The following MKLN1 variants were observed in gnomAD, a reference collection of about 807,000 sequenced individuals.
MKLN1 encodes muskelin.
MKLN1 carries 18 observed loss-of-function variants against 99.0 expected under a neutral mutation model. That is an observed-to-expected ratio of 0.18 (90% CI 0.13 to 0.27). The LOEUF (loss-of-function observed/expected upper bound fraction) is 0.27. MKLN1 is among the 10% of genes least tolerant of loss of function. The pLI is 1.00. For synonymous variants in MKLN1, 288 were observed against 293.2 expected, an observed-to-expected ratio of 0.98 and a Z score of 0.18; for missense variants, 621 against 875.9, an observed-to-expected ratio of 0.71 and a Z score of 3.67.
Position 131,466,404 on chromosome 7 carries a change from A to G in MKLN1, c.1917A>G (p.Ile639Met). The G allele has an allele frequency of 6.3e-7, 1 of 1,581,704 alleles. No individual in the cohort carries two copies. The highest frequency in any genetic ancestry group is 1.2e-5 in the South Asian group (1 of 85,778). The change falls in exon 15 of 18, where the codon ATA becomes ATG. Residue 639 changes from isoleucine to methionine, a missense_variant. Ile to Met is a conservative substitution (Grantham distance 10, BLOSUM62 1). Around this residue, in one of 8 missense-constraint regions of MKLN1, gnomAD observed 126 missense variants for 157.4 expected, o/e 0.80. Transcript: ENST00000352689. ...DYLLRHCKYL[I>M]RKHRFEEKAQ... ...TACTGAGGCATTGCAAGTACCTCAT[A>G]AGAAAACACAGGTATGAAAATAATT... is the stretch of plus-strand genomic sequence containing the variant.
At chr7:131,299,575 C>T (rs1798346511) in intron 3 of MKLN1, among the ~76,000 whole-genome samples, 1 of 152,176 alleles carries the variant, frequency 6.6e-6, no homozygotes, top group South Asian at 2.1e-4. Flanking sequence ...GCCGCCAGCA[C>T]TCATTTAATT....
At chr7:131,477,294 C>G (rs1376092395) in intron 16 of MKLN1, among the ~76,000 whole-genome samples, 1 of 151,972 alleles carries the variant, frequency 6.6e-6, no homozygotes, top group Non-Finnish European at 1.5e-5. Context: ...CACCAGTAAT[C>G]CCAGCATTTT....
Position 131,491,573 on chromosome 7 carries a change from T to A in MKLN1, c.*3845T>A, listed in dbSNP as rs1474158633. ...TGACTTGGCTATCCAAAGCTTCTAG[T>A]CTAGAGGTCTGTTGGTTGAAGGCAG... On this transcript the variant is annotated 3_prime_UTR_variant, in exon 18 of 18. Transcript: ENST00000352689. 2 of 152,194 alleles carry A rather than the reference T, an allele frequency of 1.3e-5. No individual in the cohort carries two copies. The highest frequency in any genetic ancestry group is 2.9e-5 in the Non-Finnish European group (2 of 68,028). 9.4% of individuals were successfully genotyped at this position (152,194 alleles called of 1,614,324 possible). A position where few individuals can be genotyped will look rare whatever the true frequency, so the allele number is the denominator to read the frequency against.
intron 3 of MKLN1, among the ~76,000 whole-genome samples, chr7:131,234,547 C>G (rs973783659): frequency 1.3e-5 from 2 of 152,092 alleles, no homozygotes; most frequent in Admixed American, 1.3e-4. Flanking sequence ...TTCTGGGAAG[C>G]CTGTCTTTTC....
chr7:131,258,326 C>CTCTGTTGCTAGAGGAAGAT (rs1797686641), intron 3 of MKLN1, among the ~76,000 whole-genome samples: 1 of 145,974 alleles, frequency 6.9e-6, no homozygotes, highest in African/African-American at 2.5e-5. Context: ...TCCTGAGATG[C>CTCTGTTGCTAGAGGAAGAT]TCTGTTGCTG....
chr7:131,443,663 C>A lies in MKLN1; in HGVS notation c.1356C>A (p.Asp452Glu). The A allele has an allele frequency of 6.2e-7, 1 of 1,613,942 alleles. No individual in the cohort carries two copies. The highest frequency in any genetic ancestry group is 1.6e-4 in the Middle Eastern group (1 of 6,062). ...REDSCNAGPE[D>E]IQSRIGHCML... Reference sequence around the variant, plus strand: ...ACTCCTGTAATGCTGGGCCTGAGGACATCCAGTCTCGAATAGGACACTGCA... The same window carrying A: ...ACTCCTGTAATGCTGGGCCTGAGGAAATCCAGTCTCGAATAGGACACTGCA... Residue 452 changes from aspartate (D) to glutamate (E), a missense_variant, in exon 11 of 18, where the codon GAC (aspartate) becomes GAA (glutamate). Physicochemically the swap from Asp to Glu is conservative, Grantham distance 45. Transcript: ENST00000352689.
chr7:131,209,426 G>A lies in MKLN1; in HGVS notation c.-179+6452G>A, dbSNP rs142535779. Among the ~76,000 whole-genome samples, 28 of 152,314 alleles carry A rather than the reference G, an allele frequency of 1.8e-4. No individual in the cohort carries two copies. The East Asian group carries it at 3.7e-3, about 20-fold the overall frequency. On this transcript the variant is annotated intron_variant, in intron 3 of 7. Coordinates refer to the MKLN1 transcript ENST00000416992. ...GATACTAGCAGTGAAGATGAGGAGCGCTGGGTGTATGGGGTGTATGTGGAA... is the reference window on the plus strand; with the variant it reads ...GATACTAGCAGTGAAGATGAGGAGCACTGGGTGTATGGGGTGTATGTGGAA...
intron 1 of MKLN1, among the ~76,000 whole-genome samples, chr7:131,374,319 C>T (rs1044624089): frequency 3.3e-5 from 5 of 152,008 alleles, no homozygotes; most frequent in African/African-American, 1.2e-4. Context: ...ACTGGTGTGT[C>T]ACTGCTTCTA....
intron 7 of MKLN1, 24 bp downstream of exon 7, chr7:131,411,407 A>T: frequency 6.7e-7 from 1 of 1,481,608 alleles, no homozygotes; most frequent in Non-Finnish European, 9.4e-7. Flanking sequence ...TCTAGATTGT[A>T]GTTCTTTTTC....
chr7:131,235,326 G>GGAGA (rs5887502), intron 3 of MKLN1, among the ~76,000 whole-genome samples: 2 of 147,948 alleles, frequency 1.4e-5, no homozygotes, highest in Non-Finnish European at 3.0e-5. Context: ...AGAGAGAGAG[G>GGAGA]GAGAGAGAGA....
intron 2 of MKLN1, among the ~76,000 whole-genome samples, chr7:131,151,288 T>G (rs1321883903): frequency 1.3e-5 from 2 of 152,148 alleles, no homozygotes; most frequent in Non-Finnish European, 1.5e-5. Context: ...ATAAGAAAAT[T>G]TTGCTAAGAA....
chr7:131,221,168 C>G (rs1319670516), intron 3 of MKLN1, among the ~76,000 whole-genome samples: 1 of 152,208 alleles, frequency 6.6e-6, no homozygotes, highest in Non-Finnish European at 1.5e-5. Flanking sequence ...GCGTGATGGA[C>G]AGGTTGAGTT....
At chr7:131,453,055 CTTT>C (rs957110792) in intron 12 of MKLN1, among the ~76,000 whole-genome samples, 1 of 152,154 alleles carries the variant, frequency 6.6e-6, no homozygotes, top group African/African-American at 2.4e-5. Context: ...AGAGTATCTA[CTTT>C]TTGCCTCTCA....
chr7:131,275,567 A>ATTTTTTTT (rs869119196), intron 3 of MKLN1, among the ~76,000 whole-genome samples: 11 of 5,608 alleles, frequency 2.0e-3, no homozygotes, highest in South Asian at 0.013. Context: ...ATATATATAT[A>ATTTTTTTT]TTTTTTTTTT....
At chr7:131,472,803 T>G (rs781437038) in intron 16 of MKLN1, among the ~76,000 whole-genome samples, 18 of 152,004 alleles carry the variant, frequency 1.2e-4, no homozygotes, top group Non-Finnish European at 1.9e-4. Flanking sequence ...ACAAAAAAAT[T>G]AGCCAGGCTT....
At chr7:131,447,825 T>G (rs906238584) in intron 12 of MKLN1, among the ~76,000 whole-genome samples, 2 of 152,206 alleles carry the variant, frequency 1.3e-5, no homozygotes, top group Non-Finnish European at 2.9e-5. Flanking sequence ...ATTATTCTAA[T>G]GTACAAGATG....
intron 1 of MKLN1, among the ~76,000 whole-genome samples, chr7:131,362,785 A>G (rs916148260): frequency 6.6e-6 from 1 of 151,868 alleles, no homozygotes; most frequent in African/African-American, 2.4e-5. Flanking sequence ...CTAGACAGAT[A>G]TTTCAAACTG....
At chr7:131,239,979 C>T (rs1563263493) in intron 3 of MKLN1, among the ~76,000 whole-genome samples, 2 of 151,854 alleles carry the variant, frequency 1.3e-5, no homozygotes, top group Admixed American at 6.6e-5. Context: ...ACCAGGAGTT[C>T]GAGACCAGCC....
At chr7:131,117,721 A>G (rs951882271) in intron 1 of MKLN1, among the ~76,000 whole-genome samples, 13 of 152,334 alleles carry the variant, frequency 8.5e-5, no homozygotes, top group African/African-American at 2.9e-4. Flanking sequence ...GAATAGTTGG[A>G]AGGTACATTA....
Sources: allele counts gnomAD v4.1 joint callset (sites outside exome capture counted in the v4.1 genomes callset), GRCh38; gene constraint gnomAD v4.1.1; regional missense constraint gnomAD v4.1.1; transcripts MANE v1.5; gene names NCBI Gene and HGNC (gene_info 2026-07-23, HGNC 2026-07-21).